KCNN3: variants seen among roughly 807,000 people sequenced by gnomAD.
KCNN3 encodes potassium calcium-activated channel subfamily N member 3, also known as small conductance calcium-activated potassium channel protein 3.
KCNN3 carries 16 observed loss-of-function variants against 62.9 expected under a neutral mutation model. That is an observed-to-expected ratio of 0.25 (90% CI 0.17 to 0.39). The LOEUF is 0.39. Among genes scored for constraint, KCNN3 ranks in the 10% least tolerant of loss-of-function variants. The probability of loss-of-function intolerance (pLI) is 1.00; values close to 1 mark genes in which losing one functional copy is unlikely to be tolerated. For missense variants in KCNN3, 599 were observed against 949.4 expected (o/e 0.63, Z 4.85); for synonymous variants, 370 against 389.2 (o/e 0.95, Z 0.58).
chr1:154,702,935 C>G lies in KCNN3; in HGVS notation c.*5041G>C, dbSNP rs1699887039. 6.6e-6 allele frequency: 1 copy of G among 151,328 alleles called. No individual in the cohort carries two copies. Among genetic ancestry groups the G allele is most frequent in the South Asian group, 2.1e-4 (1 of 4,800 alleles). 9.4% of individuals were successfully genotyped at this position (151,328 alleles called of 1,614,324 possible). On this transcript the variant is annotated 3_prime_UTR_variant, in exon 8 of 8. Transcript: ENST00000271915. ...ATACATTTTTCAGGTGTGTAAACAA[C>G]TGTCACAGGGCACTTGGCACCTAGA...
intron 1 of KCNN3, among the ~76,000 whole-genome samples, chr1:154,853,963 C>T (rs901028201): frequency 6.8e-6 from 1 of 147,578 alleles, no homozygotes; most frequent in Non-Finnish European, 1.5e-5. Flanking sequence ...AAGCTGGGCG[C>T]GGTGGCTTAT....
chr1:154,712,184 T>A (rs1700093820), intron 7 of KCNN3, among the ~76,000 whole-genome samples: 1 of 152,206 alleles, frequency 6.6e-6, no homozygotes, highest in Admixed American at 6.5e-5. Flanking sequence ...TCTGGCCACA[T>A]GTCTCCTTTG....
At chr1:154,830,434 G>A (rs554813221) in intron 1 of KCNN3, among the ~76,000 whole-genome samples, 11 of 152,280 alleles carry the variant, frequency 7.2e-5, no homozygotes, top group South Asian at 2.1e-4. Context: ...TGCCCTTACC[G>A]GTCCCACCTG....
At chr1:154,715,823 C>A (rs1700223302) in intron 5 of KCNN3, among the ~76,000 whole-genome samples, 1 of 149,218 alleles carries the variant, frequency 6.7e-6, no homozygotes, top group African/African-American at 2.4e-5. Flanking sequence ...TGCTTGGGTT[C>A]AGAGAGTAAA....
chr1:154,702,319 A>T lies in KCNN3; in HGVS notation c.*5657T>A, dbSNP rs556313610. On this transcript the variant is annotated 3_prime_UTR_variant, in exon 8 of 8. Transcript: ENST00000271915. ...TGAAAGTTACAATATATTTTATAAT[A>T]TATCAATATATTTCATATTTAAAAT... 9.9e-5 allele frequency: 15 copies of T among 152,100 alleles called. No individual in the cohort carries two copies. The South Asian group carries it at 2.7e-3, about 27-fold the overall frequency. 9.4% of individuals were successfully genotyped at this position (152,100 alleles called of 1,614,324 possible).
chr1:154,757,597 C>T (rs1358118452), intron 3 of KCNN3, among the ~76,000 whole-genome samples: 1 of 152,198 alleles, frequency 6.6e-6, no homozygotes, highest in Non-Finnish European at 1.5e-5. Flanking sequence ...CCTGGGAGCC[C>T]TTTGCCCTAA....
At chr1:154,790,460 AG>A (rs2101861716) in intron 2 of KCNN3, among the ~76,000 whole-genome samples, 1 of 152,344 alleles carries the variant, frequency 6.6e-6, no homozygotes, top group African/African-American at 2.4e-5. Flanking sequence ...CCTACATTTG[AG>A]CAAAATCATC....
At chr1:154,768,017 T>C (rs1447468446) in intron 3 of KCNN3, among the ~76,000 whole-genome samples, 6 of 152,230 alleles carry the variant, frequency 3.9e-5, no homozygotes, top group Non-Finnish European at 1.5e-5. Context: ...AAGTCCAGGC[T>C]GATGAAAGCT....
At chr1:154,770,902 C>T (rs934463050) in intron 3 of KCNN3, among the ~76,000 whole-genome samples, 3 of 151,932 alleles carry the variant, frequency 2.0e-5, no homozygotes, top group Admixed American at 1.3e-4. Flanking sequence ...ACTAAAAACA[C>T]AAAAATTAGC....
At chr1:154,800,426 G>T (rs1278556531) in intron 2 of KCNN3, among the ~76,000 whole-genome samples, 3 of 152,208 alleles carry the variant, frequency 2.0e-5, no homozygotes, top group Non-Finnish European at 4.4e-5. Context: ...ACAGGACACA[G>T]ATAAGGAGTC....
chr1:154,762,946 T>C lies in KCNN3; in HGVS notation c.1448+9029A>G, dbSNP rs1318791406. Among the ~76,000 whole-genome samples, 3 of 152,316 alleles carry C rather than the reference T, an allele frequency of 2.0e-5. No homozygotes were observed. In the East Asian group the frequency reaches 5.8e-4, roughly 29 times the overall value. On this transcript the variant is annotated intron_variant, in intron 3 of 7. Transcript: ENST00000271915. ...TTGGTTTTCTTTCTCGTATATTGGG[T>C]TCTAACATAGTAGGGTTTATTTCAG... is the stretch of plus-strand genomic sequence containing the variant.
chr1:154,772,455 G>C lies in KCNN3; in HGVS notation c.1030-62C>G. 1.3e-6 allele frequency: 2 copies of C among 1,569,976 alleles called. No homozygotes were observed. The highest frequency in any genetic ancestry group is 1.7e-6 in the Non-Finnish European group (2 of 1,146,426). ...CCAGGAAGCCCACAGCAGGGTCCAG[G>C]CAGGACAGGTGGGGCAGGCTGGGGC... On this transcript the variant is annotated intron_variant, in intron 2 of 7. Coordinates refer to ENST00000271915, the MANE Select transcript of KCNN3 (RefSeq NM_002249.6). This position sits in a 1 kb window ranked among gnomAD's most constrained non-coding sequence, Gnocchi z 5.6.
intron 1 of KCNN3, among the ~76,000 whole-genome samples, chr1:154,835,097 A>G (rs1651533886): frequency 6.6e-6 from 1 of 152,132 alleles, no homozygotes; most frequent in South Asian, 2.1e-4. Flanking sequence ...CATCTATTCA[A>G]TGAGACTAAA....
At chr1:154,860,615 C>T (rs549160402) in intron 1 of KCNN3, among the ~76,000 whole-genome samples, 10 of 152,296 alleles carry the variant, frequency 6.6e-5, no homozygotes, top group African/African-American at 2.4e-4. Context: ...AAGGTCTATC[C>T]AGAAACATGA....
chr1:154,721,842 C>T (rs749739198), intron 5 of KCNN3, among the ~76,000 whole-genome samples: 20 of 151,184 alleles, frequency 1.3e-4, no homozygotes, highest in Admixed American at 9.3e-4. Flanking sequence ...CTCTGTGAAT[C>T]ATGTACTTAA....
In KCNN3 at chr1:154,772,283, G is replaced by A. The variant is rs371681362; in HGVS notation, c.1140C>T (p.Gly380=). The stretch of plus-strand genomic sequence containing the variant: ...GTGCCGTCCAGAAGAACTTGTACTC[G>A]CCAGGAATGGGGTGGATGGCGCACA... ...MLVCAIHPIP[G]EYKFFWTARL... The change falls in exon 3 of 8, where the codon GGC becomes GGT. Residue 380 remains glycine (G), a synonymous_variant. Coordinates refer to ENST00000271915, the MANE Select transcript of KCNN3 (RefSeq NM_002249.6). This position sits in a 1 kb window ranked among gnomAD's most constrained non-coding sequence, Gnocchi z 5.6. 19 of 1,614,084 alleles carry A rather than the reference G, an allele frequency of 1.2e-5. No individual in the cohort carries two copies. Among genetic ancestry groups the A allele is most frequent in the South Asian group, 7.7e-5 (7 of 91,094 alleles).
intron 5 of KCNN3, among the ~76,000 whole-genome samples, chr1:154,722,578 G>A (rs1195019821): frequency 1.3e-5 from 2 of 151,510 alleles, no homozygotes; most frequent in African/African-American, 2.4e-5. Context: ...TTTTTTAGTA[G>A]AGACAGCGTT....
intron 2 of KCNN3, among the ~76,000 whole-genome samples, chr1:154,818,600 C>T (rs1161484598): frequency 6.6e-6 from 1 of 152,210 alleles, no homozygotes; most frequent in East Asian, 1.9e-4. Context: ...ATGCAGTGTT[C>T]AGTCCCTCAG....
chr1:154,822,140 G>A lies in KCNN3; in HGVS notation c.978C>T (p.Ser326=), dbSNP rs1315413625. The A allele has an allele frequency of 6.2e-7, 1 of 1,614,160 alleles. No homozygotes were observed. The highest frequency in any genetic ancestry group is 8.5e-7 in the Non-Finnish European group (1 of 1,179,992). Reference sequence around the variant, plus strand: ...TGATCAAGCCCAAAAGGATGATGGTGGACAGACTGATAAGGCATTTCAGGG... The same window carrying A: ...TGATCAAGCCCAAAAGGATGATGGTAGACAGACTGATAAGGCATTTCAGGG... ...SLALKCLISL[S]TIILLGLIIA... is the part of the protein sequence containing the mutation. Residue 326 remains serine, a synonymous_variant, in exon 2 of 8, where the codon TCC becomes TCT. Coordinates refer to ENST00000271915, the MANE Select transcript of KCNN3 (RefSeq NM_002249.6).
Sources: allele counts gnomAD v4.1 joint callset (sites outside exome capture counted in the v4.1 genomes callset), GRCh38; gene constraint gnomAD v4.1.1; non-coding constraint Gnocchi (gnomAD v3.1); transcripts MANE v1.5; gene names NCBI Gene and HGNC (gene_info 2026-07-23, HGNC 2026-07-21).